The following TP63 variants were observed in gnomAD, a reference collection of about 807,000 sequenced individuals.
TP63 encodes the protein tumor protein p63.
In TP63, 17 loss-of-function variants were observed where a neutral mutation model predicts 82.8. The observed-to-expected ratio is 0.21, with a 90% CI of 0.14 to 0.31. The LOEUF (loss-of-function observed/expected upper bound fraction) is 0.31, where lower values mean the gene tolerates loss of function less well. Ranked by LOEUF, TP63 falls within the 10% of genes least tolerant of loss-of-function variation. The probability of loss-of-function intolerance (pLI) is 1.00; values close to 1 mark genes in which losing one functional copy is unlikely to be tolerated. For synonymous variants in TP63, 330 were observed against 321.7 expected (o/e 1.03, Z -0.28); for missense variants, 648 against 895.3 (o/e 0.72, Z 3.52).
intron 3 of TP63, among the ~76,000 whole-genome samples, chr3:189,799,322 A>G (rs1244134614): frequency 6.6e-6 from 1 of 152,066 alleles, no homozygotes; most frequent in African/African-American, 2.4e-5. Context: ...GGAGGGACCA[A>G]TTTTGTGGCC....
chr3:189,756,689 G>A (rs1287266747), intron 3 of TP63, among the ~76,000 whole-genome samples: 1 of 152,172 alleles, frequency 6.6e-6, no homozygotes, highest in Admixed American at 6.5e-5. Flanking sequence ...GGTGTTTGCA[G>A]TTGCTGTGTT....
At chr3:189,676,187 T>C (rs1715381195) in intron 1 of TP63, among the ~76,000 whole-genome samples, 1 of 152,090 alleles carries the variant, frequency 6.6e-6, no homozygotes, top group Admixed American at 6.6e-5. Context: ...TAAGTTCTAC[T>C]CTCTTAGCAA....
chr3:189,874,210 G>A (rs1718765662), intron 10 of TP63, among the ~76,000 whole-genome samples: 1 of 151,982 alleles, frequency 6.6e-6, no homozygotes, highest in Non-Finnish European at 1.5e-5. Flanking sequence ...GCTGGGATTA[G>A]AGGCACCTGC....
At chr3:189,604,016 C>G in the TP63 span, among the ~76,000 whole-genome samples, 1 of 151,962 alleles carries the variant, frequency 6.6e-6, no homozygotes, top group African/African-American at 2.4e-5. Flanking sequence ...GTAAATAGAA[C>G]ACTTGAAAAA....
intron 4 of TP63, among the ~76,000 whole-genome samples, chr3:189,835,542 C>A (rs1321776228): frequency 1.3e-5 from 2 of 152,150 alleles, no homozygotes; most frequent in African/African-American, 4.8e-5. Flanking sequence ...TACATTCTTA[C>A]CGAAGGCTCA....
chr3:189,888,836 T>TA (rs1362638966), intron 11 of TP63, among the ~76,000 whole-genome samples: 1 of 152,216 alleles, frequency 6.6e-6, no homozygotes, highest in African/African-American at 2.4e-5. Context: ...TCAGTCTCCC[T>TA]ATTCCCAAAT....
intron 4 of TP63, among the ~76,000 whole-genome samples, chr3:189,810,964 G>A (rs1013114201): frequency 5.9e-5 from 9 of 152,074 alleles, no homozygotes; most frequent in South Asian, 2.1e-4. Flanking sequence ...CAAAAAGTTG[G>A]AGATCTCTAC....
chr3:189,756,447 A>G (rs918988810), intron 3 of TP63, among the ~76,000 whole-genome samples: 3 of 152,186 alleles, frequency 2.0e-5, no homozygotes, highest in African/African-American at 7.2e-5. Context: ...TTTGTTAAAG[A>G]GTGCCAAGTC....
At chr3:189,709,984 G>A (rs1053327570) in intron 1 of TP63, among the ~76,000 whole-genome samples, 9 of 152,114 alleles carry the variant, frequency 5.9e-5, no homozygotes, top group African/African-American at 2.2e-4. Flanking sequence ...GTTATTTAAA[G>A]ACACTGTAAC....
chr3:189,862,426 C>T (rs1456279643), intron 4 of TP63, among the ~76,000 whole-genome samples: 1 of 152,052 alleles, frequency 6.6e-6, no homozygotes, highest in Non-Finnish European at 1.5e-5. Flanking sequence ...ATACTGTACT[C>T]TCTCGAGCTT....
chr3:189,707,749 A>G (rs187420583), intron 1 of TP63, among the ~76,000 whole-genome samples: 109 of 152,298 alleles, frequency 7.2e-4, no homozygotes, highest in Admixed American at 2.7e-3. Context: ...TAAATTAAAC[A>G]TCAATAAGGC....
intron 3 of TP63, among the ~76,000 whole-genome samples, chr3:189,767,599 C>G (rs1298017945): frequency 6.6e-6 from 1 of 152,116 alleles, no homozygotes; most frequent in Non-Finnish European, 1.5e-5. Context: ...TCTAACTCCT[C>G]TGGAACAATA....
chr3:189,861,444 G>A (rs1372648569), intron 4 of TP63, among the ~76,000 whole-genome samples: 1 of 151,928 alleles, frequency 6.6e-6, no homozygotes, highest in Non-Finnish European at 1.5e-5. Flanking sequence ...GGGGTGGAGG[G>A]GTAGGGGGAA....
At chr3:189,863,825 G>A (rs1717348481) in intron 4 of TP63, among the ~76,000 whole-genome samples, 1 of 152,182 alleles carries the variant, frequency 6.6e-6, no homozygotes, top group Non-Finnish European at 1.5e-5. Context: ...AATCTAGGCA[G>A]AAATCTGTCT....
At chr3:189,616,964 G>A in the TP63 span, among the ~76,000 whole-genome samples, 2 of 152,146 alleles carry the variant, frequency 1.3e-5, no homozygotes, top group Admixed American at 6.5e-5. Context: ...AGAGCATTAG[G>A]CATAGAATAT....
chr3:189,781,537 G>A (rs79014552), intron 3 of TP63, among the ~76,000 whole-genome samples: 45 of 152,040 alleles, frequency 3.0e-4, no homozygotes, highest in Admixed American at 2.6e-3. Flanking sequence ...TGCAATCCCC[G>A]CCCCACCTGG....
At chr3:189,723,956 C>A (rs979430184) in intron 1 of TP63, among the ~76,000 whole-genome samples, 19 of 151,576 alleles carry the variant, frequency 1.3e-4, no homozygotes, top group Non-Finnish European at 2.1e-4. Flanking sequence ...GTTATCACAC[C>A]AAAATCCTCA....
intron 1 of TP63, among the ~76,000 whole-genome samples, chr3:189,707,465 G>A (rs189456117): frequency 6.6e-5 from 10 of 152,034 alleles, no homozygotes; most frequent in South Asian, 4.2e-4. Flanking sequence ...ATCTATAGTC[G>A]TCATCTATAT....
intron 1 of TP63, among the ~76,000 whole-genome samples, chr3:189,724,773 A>C (rs1719647201): frequency 6.6e-6 from 1 of 152,214 alleles, no homozygotes; most frequent in African/African-American, 2.4e-5. Flanking sequence ...CATTATGGTT[A>C]TGGAACACCT....
Sources: allele counts gnomAD v4.1 joint callset (sites outside exome capture counted in the v4.1 genomes callset), GRCh38; gene constraint gnomAD v4.1.1; transcripts MANE v1.5; gene names NCBI Gene and HGNC (gene_info 2026-07-23, HGNC 2026-07-21).